Variants in COPS2 observed in about 807,000 individuals in gnomAD.
COPS2 encodes COP9 signalosome subunit 2, also known as COP9 signalosome complex subunit 2.
Under a neutral mutation model 66.1 loss-of-function variants are expected in COPS2, and 10 were observed. The ratio of observed to expected loss-of-function variants is 0.15; its 90% confidence interval spans 0.09 to 0.26. The LOEUF (loss-of-function observed/expected upper bound fraction) is 0.26. Ranked by LOEUF, COPS2 falls within the 10% of genes least tolerant of loss-of-function variation. COPS2 has a pLI of 1.00. For missense variants in COPS2, 215 were observed against 513.3 expected (o/e 0.42, Z 5.62); for synonymous variants, 179 against 171.3 (o/e 1.04, Z -0.35).
At chr15:49,129,037 A>T (rs970815971) in intron 11 of COPS2, among the ~76,000 whole-genome samples, 9 of 152,174 alleles carry the variant, frequency 5.9e-5, no homozygotes, top group African/African-American at 1.9e-4. Context: ...TTTCCCCTAC[A>T]ATTTTCTCTG....
intron 3 of COPS2, among the ~76,000 whole-genome samples, chr15:49,140,286 C>T (rs996917781): frequency 6.6e-6 from 1 of 152,066 alleles, no homozygotes; most frequent in Non-Finnish European, 1.5e-5. Context: ...TGAGCCACTG[C>T]ACTCGGCCAA....
intron 1 of COPS2, among the ~76,000 whole-genome samples, chr15:49,147,725 CAAAAA>C (rs34315247): frequency 1.1e-5 from 1 of 94,832 alleles, no homozygotes; most frequent in African/African-American, 4.3e-5. Context: ...GTTACAACTC[CAAAAA>C]AAAAAAAAAA....
chr15:49,155,204 G>T (rs1381171672), intron 1 of COPS2, among the ~76,000 whole-genome samples: 1 of 152,274 alleles, frequency 6.6e-6, no homozygotes, highest in Admixed American at 6.5e-5. Flanking sequence ...CACCGAGGCG[G>T]CTAGCGCGGT....
intron 1 of COPS2, among the ~76,000 whole-genome samples, chr15:49,147,725 CAA>C (rs34315247): frequency 0.19 from 18,311 of 94,546 alleles, 1,237 homozygotes; most frequent in South Asian, 0.24. Context: ...GTTACAACTC[CAA>C]AAAAAAAAAA....
At chr15:49,142,443 C>T (rs2084295204) in intron 3 of COPS2, among the ~76,000 whole-genome samples, 1 of 152,084 alleles carries the variant, frequency 6.6e-6, no homozygotes, top group Non-Finnish European at 1.5e-5. Context: ...TAGAAGTTAA[C>T]CTGGATACAA....
Position 49,137,386 on chromosome 15 carries a change from C to T in COPS2, c.424G>A (p.Ala142Thr). ...YETTLEALKDAKNDRLWFKTN... is the reference protein window; with the variant it reads ...YETTLEALKDTKNDRLWFKTN... Reference sequence around the variant, plus strand: ...TTAAACCACAGTCTATCATTCTTAGCATCTTTCAAAGCTTCCAGTGTTGTT... The same window carrying T: ...TTAAACCACAGTCTATCATTCTTAGTATCTTTCAAAGCTTCCAGTGTTGTT... The change falls in exon 5 of 13, where the codon GCT becomes ACT. Residue 142 changes from alanine (A) to threonine (T), a missense_variant. Physicochemically the swap from Ala to Thr is moderately conservative, Grantham distance 58 (BLOSUM62 0). Transcript: ENST00000388901. The T allele has an allele frequency of 1.2e-6, 2 of 1,612,406 alleles. No homozygotes were observed. The highest frequency in any genetic ancestry group is 1.7e-6 in the Non-Finnish European group (2 of 1,178,846).
chr15:49,134,536 T>A (rs1460882696), intron 6 of COPS2, 22 bp from the exon 7 acceptor site: 1 of 1,569,036 alleles, frequency 6.4e-7, no homozygotes, highest in South Asian at 1.1e-5. Flanking sequence ...AATATTTAAC[T>A]TTAGACAAGA....
At chr15:49,133,219 AT>A (rs2084226780) in intron 9 of COPS2, among the ~76,000 whole-genome samples, 1 of 152,014 alleles carries the variant, frequency 6.6e-6, no homozygotes, top group South Asian at 2.1e-4. Flanking sequence ...TGATCTCCTG[AT>A]CTTGTGATCC....
rs537137317 is a variant in COPS2 at position 49,154,212 on chromosome 15, C to T, written c.54+1313G>A. 2.4e-4 allele frequency among the ~76,000 whole-genome samples: 37 copies of T among 152,140 alleles called. 1 individual carries two copies. In the East Asian group the frequency reaches 7.1e-3, roughly 29 times the overall value. The stretch of plus-strand genomic sequence containing the variant: ...TAAAAGAAACATTTTGATAACAAAA[C>T]ACCTGTAATATAAATAAACAGGTAA... On this transcript the variant is annotated intron_variant, in intron 1 of 12. Transcript: ENST00000388901.
intron 1 of COPS2, among the ~76,000 whole-genome samples, chr15:49,149,776 C>T (rs1012164575): frequency 6.6e-5 from 10 of 152,238 alleles, no homozygotes; most frequent in African/African-American, 2.4e-4. Flanking sequence ...TCACCATTAA[C>T]AATGCTTTCT....
At chr15:49,146,843 C>T (rs2084324203) in intron 1 of COPS2, among the ~76,000 whole-genome samples, 1 of 152,050 alleles carries the variant, frequency 6.6e-6, no homozygotes, top group South Asian at 2.1e-4. Flanking sequence ...CTCTTAAAAT[C>T]GAGAGCAAAA....
chr15:49,130,603 C>A, intron 10 of COPS2, 116 bp downstream of exon 10: 1 of 566,086 alleles, frequency 1.8e-6, no homozygotes. Flanking sequence ...AGAAACATAT[C>A]TATACTTTGC....
At position 49,123,038 on chromosome 15, in the gene COPS2, T is replaced by C. The variant is rs2084136908; in HGVS notation, c.*4912A>G. The stretch of plus-strand genomic sequence containing the variant: ...CATTGCAAAACCAAACAACTTTCTA[T>C]TTTCCATGTCATTGCTCCATTTCTT... On this transcript the variant is annotated 3_prime_UTR_variant, in exon 13 of 13. Transcript: ENST00000388901. 4 of 152,238 alleles carry C rather than the reference T, an allele frequency of 2.6e-5. No homozygotes were observed. The highest frequency in any genetic ancestry group is 2.1e-4 in the South Asian group (1 of 4,828). 9.4% of individuals were successfully genotyped at this position (152,238 alleles called of 1,614,324 possible).
intron 3 of COPS2, 60 bp downstream of exon 3, chr15:49,144,167 C>T (rs747477248): frequency 2.0e-5 from 21 of 1,026,424 alleles, no homozygotes; most frequent in African/African-American, 6.4e-5. Flanking sequence ...AGTACTTTGT[C>T]GTGATGAGGT....
chr15:49,139,499 C>T (rs369173476), intron 4 of COPS2, 29 bp downstream of exon 4: 68 of 1,550,484 alleles, frequency 4.4e-5, no homozygotes, highest in African/African-American at 5.5e-5. Flanking sequence ...ACACACTGAT[C>T]GTCCCAAGAG....
chr15:49,127,531 G>A lies in COPS2; in HGVS notation c.*419C>T, dbSNP rs563556757. On this transcript the variant is annotated 3_prime_UTR_variant, in exon 13 of 13. Transcript: ENST00000388901. ...TTTAATTTATACATGAGAAAAGGAA[G>A]TGTTCAAAAGGGTATGCATTTCAAG... The A allele has an allele frequency of 6.4e-6, 1 of 155,460 alleles. No homozygotes were observed. Among genetic ancestry groups the A allele is most frequent in the South Asian group, 2.0e-4 (1 of 4,912 alleles). 9.6% of individuals were successfully genotyped at this position (155,460 alleles called of 1,614,324 possible).
Position 49,144,343 on chromosome 15 carries a change from A to G in COPS2, c.169-39T>C, listed in dbSNP as rs1283030580. 3.3e-6 allele frequency: 4 copies of G among 1,200,522 alleles called. No homozygotes were observed. The South Asian group carries it at 5.0e-5, about 15-fold the overall frequency. 74.4% of individuals were successfully genotyped at this position (1,200,522 alleles called of 1,614,324 possible). On this transcript the variant is annotated intron_variant, in intron 2 of 12. Transcript: ENST00000388901. ...GAAATTTTTAGTTTATCTTAATATT[A>G]ACACATTATTTTCTAATGATGCCCA... is the stretch of plus-strand genomic sequence containing the variant.
chr15:49,125,185 A>G lies in COPS2; in HGVS notation c.*2765T>C, dbSNP rs906919229. On this transcript the variant is annotated 3_prime_UTR_variant, in exon 13 of 13. Transcript: ENST00000388901. ...GGTTCTCAGTTTTCCTGAAAGATGT[A>G]TCAGCCTGTAGTTAGAAGGGACTCA... is the stretch of plus-strand genomic sequence containing the variant. The G allele has an allele frequency of 6.6e-6, 1 of 152,170 alleles. No individual in the cohort carries two copies. Among genetic ancestry groups the G allele is most frequent in the Admixed American group, 6.5e-5 (1 of 15,284 alleles). 9.4% of individuals were successfully genotyped at this position (152,170 alleles called of 1,614,324 possible).
intron 6 of COPS2, among the ~76,000 whole-genome samples, chr15:49,134,937 G>A (rs1440597672): frequency 6.6e-6 from 1 of 152,078 alleles, no homozygotes; most frequent in African/African-American, 2.4e-5. Flanking sequence ...TCAATGTAGT[G>A]TTGAACAAAA....
Sources: allele counts gnomAD v4.1 joint callset (sites outside exome capture counted in the v4.1 genomes callset), GRCh38; gene constraint gnomAD v4.1.1; transcripts MANE v1.5; gene names NCBI Gene and HGNC (gene_info 2026-07-23, HGNC 2026-07-21).